Variants in GUCY1A2 observed in about 807,000 individuals in gnomAD.
GUCY1A2 encodes guanylate cyclase 1 soluble subunit alpha 2, also known as guanylate cyclase soluble subunit alpha-2.
A neutral mutation model predicts 63.5 loss-of-function variants in GUCY1A2; 27 were observed. That is an observed-to-expected ratio of 0.43 (90% CI 0.31 to 0.59). The LOEUF is 0.59. GUCY1A2 is among the 20% of genes least tolerant of loss of function. The pLI, the probability that GUCY1A2 is intolerant of heterozygous loss-of-function variation, is 0.11. For missense variants in GUCY1A2, 768 were observed against 913.3 expected (o/e 0.84, Z 2.05); for synonymous variants, 364 against 343.5 (o/e 1.06, Z -0.66).
chr11:106,964,785 C>T (rs1861105619), intron 3 of GUCY1A2, among the ~76,000 whole-genome samples: 1 of 152,118 alleles, frequency 6.6e-6, no homozygotes, highest in Non-Finnish European at 1.5e-5. Flanking sequence ...CGAGACCATC[C>T]TGGCTAACGC....
chr11:106,750,598 A>G (rs1863865591), intron 6 of GUCY1A2, among the ~76,000 whole-genome samples: 2 of 152,130 alleles, frequency 1.3e-5, no homozygotes, highest in African/African-American at 4.8e-5. Context: ...GCATAAAAAT[A>G]CAAAATGACA....
At chr11:106,903,494 T>C (rs1371823767) in intron 4 of GUCY1A2, among the ~76,000 whole-genome samples, 2 of 152,194 alleles carry the variant, frequency 1.3e-5, no homozygotes, top group African/African-American at 2.4e-5. Context: ...TTGAAGTCTT[T>C]GGTCAGGGTC....
rs1341698163 is a variant in GUCY1A2 at position 106,679,626 on chromosome 11, T to C, written c.*7923A>G. ...AAAGTATATTCTTCTCACTGAATGC[T>C]AGCTCAGCCAGGCATGTTATAAAAG... On this transcript the variant is annotated 3_prime_UTR_variant, in exon 8 of 8. Coordinates refer to ENST00000526355, the MANE Select transcript of GUCY1A2 (RefSeq NM_000855.3). The C allele has an allele frequency of 9.4e-6, 2 of 211,916 alleles. No homozygotes were observed. The highest frequency in any genetic ancestry group is 4.5e-5 in the African/African-American group (2 of 44,114). 13.1% of individuals were successfully genotyped at this position (211,916 alleles called of 1,614,324 possible). A position where few individuals can be genotyped will look rare whatever the true frequency, so the allele number is the denominator to read the frequency against.
At chr11:106,769,963 C>T (rs1318697098) in intron 6 of GUCY1A2, among the ~76,000 whole-genome samples, 2 of 151,902 alleles carry the variant, frequency 1.3e-5, no homozygotes, top group African/African-American at 2.4e-5. Flanking sequence ...CAAATACAGT[C>T]GACCCTGTGT....
At chr11:106,965,619 C>T (rs984330561) in intron 3 of GUCY1A2, among the ~76,000 whole-genome samples, 4 of 152,154 alleles carry the variant, frequency 2.6e-5, no homozygotes, top group African/African-American at 9.7e-5. Flanking sequence ...AGTTTTATAC[C>T]TCCTGCCATG....
At position 106,822,910 on chromosome 11, in the gene GUCY1A2, G is replaced by C. The variant is rs572987124; in HGVS notation, c.1207-12432C>G. ...GGCATTGGAATGTATTCTAGGAAGAGGGAGAATAGGGAATAGGATACAGAA... is the reference window on the plus strand; with the variant it reads ...GGCATTGGAATGTATTCTAGGAAGACGGAGAATAGGGAATAGGATACAGAA... On this transcript the variant is annotated intron_variant, in intron 4 of 7. Coordinates refer to ENST00000526355, the MANE Select transcript of GUCY1A2 (RefSeq NM_000855.3). Among the ~76,000 whole-genome samples, 128 of 152,242 alleles carry C rather than the reference G, an allele frequency of 8.4e-4. No individual in the cohort carries two copies. The Middle Eastern group carries it at 0.017, about 20-fold the overall frequency.
chr11:106,984,662 A>G (rs1462914516), intron 2 of GUCY1A2, among the ~76,000 whole-genome samples: 20 of 152,236 alleles, frequency 1.3e-4, no homozygotes, highest in Non-Finnish European at 2.9e-5. Flanking sequence ...TATTAATAAT[A>G]ACGATAAACA....
At chr11:106,779,402 T>G (rs1272442275) in intron 5 of GUCY1A2, among the ~76,000 whole-genome samples, 1 of 152,230 alleles carries the variant, frequency 6.6e-6, no homozygotes, top group African/African-American at 2.4e-5. Context: ...TAAGACAATG[T>G]TCTTTGCTAA....
At chr11:107,005,206 A>G (rs944252973) in intron 1 of GUCY1A2, among the ~76,000 whole-genome samples, 1 of 152,232 alleles carries the variant, frequency 6.6e-6, no homozygotes, top group Non-Finnish European at 1.5e-5. Context: ...AATAAGGGGC[A>G]GAGACAGACA....
At chr11:106,917,507 G>A (rs897607539) in intron 4 of GUCY1A2, among the ~76,000 whole-genome samples, 2 of 144,768 alleles carry the variant, frequency 1.4e-5, no homozygotes, top group African/African-American at 2.4e-5. Flanking sequence ...TGTTTATTGT[G>A]ACACTATTCA....
intron 4 of GUCY1A2, among the ~76,000 whole-genome samples, chr11:106,851,308 A>T (rs560555992): frequency 6.6e-6 from 1 of 151,850 alleles, no homozygotes; most frequent in Non-Finnish European, 1.5e-5. Context: ...AGGTTGTCTC[A>T]TAACTGTTGA....
chr11:106,691,915 C>T (rs1360482308), intron 7 of GUCY1A2, among the ~76,000 whole-genome samples: 1 of 152,144 alleles, frequency 6.6e-6, no homozygotes, highest in Non-Finnish European at 1.5e-5. Flanking sequence ...ATTCAGTTGA[C>T]TTCCAATAGG....
At chr11:106,926,734 G>T (rs1447261600) in intron 4 of GUCY1A2, among the ~76,000 whole-genome samples, 2 of 151,846 alleles carry the variant, frequency 1.3e-5, no homozygotes, top group Non-Finnish European at 2.9e-5. Context: ...TGCCCCGGAG[G>T]TCACACTGTA....
chr11:106,999,297 C>T (rs1861582841), intron 1 of GUCY1A2, among the ~76,000 whole-genome samples: 1 of 152,034 alleles, frequency 6.6e-6, no homozygotes, highest in Admixed American at 6.6e-5. Flanking sequence ...GTAAATGCCC[C>T]CACTTAACAT....
At chr11:106,688,163 C>T (rs1166601648) in intron 7 of GUCY1A2, among the ~76,000 whole-genome samples, 1 of 152,124 alleles carries the variant, frequency 6.6e-6, no homozygotes, top group African/African-American at 2.4e-5. Context: ...AATTCTAGTG[C>T]ACTCCTTTTA....
intron 5 of GUCY1A2, among the ~76,000 whole-genome samples, chr11:106,778,019 C>G (rs76237766): frequency 6.6e-6 from 1 of 151,960 alleles, no homozygotes; most frequent in Non-Finnish European, 1.5e-5. Flanking sequence ...TAAATATTTA[C>G]CCCAGGTTAA....
chr11:106,711,578 G>T (rs756334278), intron 6 of GUCY1A2, among the ~76,000 whole-genome samples: 3 of 152,086 alleles, frequency 2.0e-5, no homozygotes, highest in Non-Finnish European at 4.4e-5. Flanking sequence ...CATATCCAGA[G>T]CACCCTCATG....
intron 4 of GUCY1A2, among the ~76,000 whole-genome samples, chr11:106,911,401 G>A (rs993165117): frequency 6.6e-6 from 1 of 152,028 alleles, no homozygotes; most frequent in African/African-American, 2.4e-5. Flanking sequence ...AATACGATCA[G>A]TAATAAAATT....
intron 6 of GUCY1A2, among the ~76,000 whole-genome samples, chr11:106,760,533 T>C (rs1013895347): frequency 4.6e-5 from 7 of 152,214 alleles, no homozygotes; most frequent in African/African-American, 1.7e-4. Flanking sequence ...TACAACTTGA[T>C]ATTTGGACAA....
Sources: allele counts gnomAD v4.1 joint callset (sites outside exome capture counted in the v4.1 genomes callset), GRCh38; gene constraint gnomAD v4.1.1; transcripts MANE v1.5; gene names NCBI Gene and HGNC (gene_info 2026-07-23, HGNC 2026-07-21).